FER: variants seen among roughly 807,000 people sequenced by gnomAD.
The protein encoded by FER is FER tyrosine kinase, also known as tyrosine-protein kinase Fer.
A neutral mutation model predicts 111.0 loss-of-function variants in FER; 63 were observed. The ratio of observed to expected loss-of-function variants is 0.57; its 90% CI spans 0.46 to 0.70. The LOEUF (loss-of-function observed/expected upper bound fraction) is 0.70, where lower values mean the gene tolerates loss of function less well. Ranked by LOEUF, FER falls within the 30% of genes least tolerant of loss-of-function variation. The probability of loss-of-function intolerance (pLI) is 0.00; values close to 1 mark genes in which losing one functional copy is unlikely to be tolerated. For missense variants in FER, 914 were observed against 954.0 expected, an observed-to-expected ratio of 0.96 and a Z score of 0.55; for synonymous variants, 327 against 313.9, an observed-to-expected ratio of 1.04 and a Z score of -0.44.
chr5:109,186,122 A>G, intron 18 of FER, 78 bp from the exon 19 acceptor site: 1 of 1,582,614 alleles, frequency 6.3e-7, no homozygotes, highest in Non-Finnish European at 8.7e-7. Flanking sequence ...CATGACTGAC[A>G]CAGACATACA....
At chr5:109,154,152 G>T (rs897495709) in intron 17 of FER, among the ~76,000 whole-genome samples, 1 of 151,638 alleles carries the variant, frequency 6.6e-6, no homozygotes, top group Admixed American at 6.6e-5. Flanking sequence ...TCTCATAATT[G>T]GAACCAGAAA....
At chr5:109,008,883 T>C (rs997709042) in intron 13 of FER, among the ~76,000 whole-genome samples, 6 of 151,922 alleles carry the variant, frequency 3.9e-5, no homozygotes, top group Admixed American at 2.0e-4. Context: ...GGCAGGAGAA[T>C]TGCTTGAACC....
intron 19 of FER, 38 bp from the exon 20 acceptor site, chr5:109,187,395 C>G: frequency 6.2e-7 from 1 of 1,602,486 alleles, no homozygotes; most frequent in Non-Finnish European, 8.5e-7. Context: ...TGTCTTACCT[C>G]CATTCTAAAT....
chr5:108,809,363 T>G (rs1461608578), intron 3 of FER, among the ~76,000 whole-genome samples: 28 of 152,230 alleles, frequency 1.8e-4, no homozygotes, highest in Admixed American at 1.8e-3. Context: ...TGAAGTTTCC[T>G]CTGAAGCTTT....
At chr5:108,970,465 C>T (rs1248706360) in intron 13 of FER, among the ~76,000 whole-genome samples, 1 of 152,120 alleles carries the variant, frequency 6.6e-6, no homozygotes, top group Admixed American at 6.5e-5. Context: ...CATGATCCAT[C>T]AGCCTCGGCC....
intron 5 of FER, among the ~76,000 whole-genome samples, chr5:108,840,473 T>C (rs1761145054): frequency 6.6e-6 from 1 of 152,196 alleles, no homozygotes; most frequent in Non-Finnish European, 1.5e-5. Flanking sequence ...GATTGTTGTG[T>C]CTGTAGACTC....
chr5:108,927,223 C>G (rs866923162), intron 10 of FER, among the ~76,000 whole-genome samples: 48 of 150,818 alleles, frequency 3.2e-4, no homozygotes, highest in African/African-American at 1.2e-3. Flanking sequence ...TCTCCCATAT[C>G]CCATGTAATT....
intron 2 of FER, among the ~76,000 whole-genome samples, chr5:108,793,210 C>G (rs905161730): frequency 1.3e-5 from 2 of 152,186 alleles, no homozygotes; most frequent in Admixed American, 1.3e-4. Flanking sequence ...TACTCTTTGT[C>G]TCCAGGAGCT....
In FER at chr5:109,165,623, TGTGTGTGTGTGTGTGTATAC is replaced by T. The variant is rs909389964; in HGVS notation, c.2049-15123_2049-15104del. On this transcript the variant is annotated intron_variant, in intron 17 of 19. Coordinates refer to ENST00000281092, the MANE Select transcript of FER (RefSeq NM_005246.4). ...GTGTGTGTGTGTGTGTGTGTGTGTG[TGTGTGTGTGTGTGTGTATAC>T]ACACATATATATCACAGACTCAGTC... Among the ~76,000 whole-genome samples the T allele has an allele frequency of 3.9e-5, 4 of 103,000 alleles. 1 individual carries two copies. Among genetic ancestry groups the T allele is most frequent in the African/African-American group, 1.4e-4 (4 of 29,144 alleles). The allele number at this position is 103,000 out of a possible 152,430, so 67.6% of individuals were successfully genotyped here. A position where few individuals can be genotyped will look rare whatever the true frequency, so the allele number is the denominator to read the frequency against.
At chr5:109,149,039 A>C (rs1295869086) in intron 17 of FER, among the ~76,000 whole-genome samples, 1 of 152,186 alleles carries the variant, frequency 6.6e-6, no homozygotes, top group Non-Finnish European at 1.5e-5. Context: ...CAGGGTCTCT[A>C]AAAGGTCCAA....
At chr5:109,110,864 T>C (rs1468124949) in intron 17 of FER, among the ~76,000 whole-genome samples, 1 of 152,122 alleles carries the variant, frequency 6.6e-6, no homozygotes, top group African/African-American at 2.4e-5. Context: ...ACATAACTCA[T>C]AGCTTCTTTT....
intron 17 of FER, among the ~76,000 whole-genome samples, chr5:109,162,877 C>A (rs1050626093): frequency 1.3e-5 from 2 of 151,724 alleles, no homozygotes; most frequent in East Asian, 3.9e-4. Flanking sequence ...ACTATAAATA[C>A]AATAAAATGC....
chr5:108,790,584 T>TG (rs907667891), intron 2 of FER, among the ~76,000 whole-genome samples: 4 of 152,230 alleles, frequency 2.6e-5, no homozygotes, highest in Non-Finnish European at 5.9e-5. Flanking sequence ...CAGGGTATTT[T>TG]GGGGAAGCTT....
intron 17 of FER, among the ~76,000 whole-genome samples, chr5:109,127,104 A>T (rs1751819639): frequency 6.6e-6 from 1 of 152,164 alleles, no homozygotes; most frequent in South Asian, 2.1e-4. Context: ...TATTTCTCAC[A>T]TGTTATAAAT....
chr5:109,064,425 T>C (rs1436464285), intron 16 of FER, among the ~76,000 whole-genome samples: 2 of 152,184 alleles, frequency 1.3e-5, no homozygotes, highest in African/African-American at 4.8e-5. Context: ...AATAAAAATA[T>C]AACTATTTCA....
intron 17 of FER, among the ~76,000 whole-genome samples, chr5:109,105,230 TTGTGTGTG>T (rs72106747): frequency 0.04 from 5,516 of 138,594 alleles, 160 homozygotes; most frequent in African/African-American, 0.082. Context: ...CAGCTTATAT[TTGTGTGTG>T]TGTGTGTGTG....
intron 16 of FER, chr5:109,052,290 A>G: frequency 1.2e-6 from 2 of 1,609,110 alleles, no homozygotes; most frequent in East Asian, 2.2e-5. Flanking sequence ...CAGGTTGCTG[A>G]GTGTTACAAC....
intron 3 of FER, among the ~76,000 whole-genome samples, chr5:108,827,634 C>T (rs1266132245): frequency 6.6e-6 from 1 of 151,860 alleles, no homozygotes; most frequent in Non-Finnish European, 1.5e-5. Context: ...ATAGTGACTA[C>T]AGGGTCTTGT....
intron 13 of FER, among the ~76,000 whole-genome samples, chr5:109,010,533 C>G (rs1298276719): frequency 6.6e-6 from 1 of 152,052 alleles, no homozygotes; most frequent in South Asian, 2.1e-4. Flanking sequence ...TATTTATAAT[C>G]GTCTCCAAGG....
Sources: allele counts gnomAD v4.1 joint callset (sites outside exome capture counted in the v4.1 genomes callset), GRCh38; gene constraint gnomAD v4.1.1; transcripts MANE v1.5; gene names NCBI Gene and HGNC (gene_info 2026-07-23, HGNC 2026-07-21).